Variants in ATIC observed in about 807,000 individuals in gnomAD.
ATIC encodes the protein bifunctional purine biosynthesis protein ATIC.
Under a neutral mutation model 72.5 loss-of-function variants are expected in ATIC, and 64 were observed. That is an observed-to-expected ratio of 0.88 (90% CI 0.72 to 1.09). The LOEUF (loss-of-function observed/expected upper bound fraction) is 1.09. ATIC is among the 50% of genes least tolerant of loss of function. The pLI is 0.00. For missense variants in ATIC, 787 were observed against 732.4 expected, an observed-to-expected ratio of 1.07 and a Z score of -0.86; for synonymous variants, 281 against 267.1, an observed-to-expected ratio of 1.05 and a Z score of -0.51.
Position 215,326,918 on chromosome 2 carries a change from A to G in ATIC, c.628A>G (p.Met210Val), listed in dbSNP as rs2052834331. ...ATCTCAGATGCCCTTGAGATATGGA[A>G]TGAACCCACATCAGACCCCTGCCCA... is the stretch of plus-strand genomic sequence containing the variant. ...GVSQMPLRYG[M>V]NPHQTPAQLY... Residue 210 changes from methionine to valine, a missense_variant, in exon 7 of 16, where the codon ATG becomes GTG. Physicochemically the swap from Met to Val is conservative, Grantham distance 21. Coordinates refer to ENST00000236959, the MANE Select transcript of ATIC (RefSeq NM_004044.7). 9 of 1,614,050 alleles carry G rather than the reference A, an allele frequency of 5.6e-6. No individual in the cohort carries two copies. Among genetic ancestry groups the G allele is most frequent in the Non-Finnish European group, 6.8e-6 (8 of 1,180,032 alleles).
chr2:215,361,620 T>C, the ATIC span: 2 of 1,609,850 alleles, frequency 1.2e-6, no homozygotes, highest in Non-Finnish European at 1.7e-6. Context: ...ATTGGGCAAT[T>C]AACATTCTGT....
intron 8 of ATIC, 71 bp downstream of exon 8, chr2:215,332,578 TAAC>T: frequency 1.3e-6 from 2 of 1,570,652 alleles, no homozygotes; most frequent in East Asian, 2.3e-5. Flanking sequence ...TTTTGAATAT[TAAC>T]AAGTTCTAAT....
the ATIC span, among the ~76,000 whole-genome samples, chr2:215,355,991 A>G: frequency 6.6e-6 from 1 of 152,236 alleles, no homozygotes; most frequent in Non-Finnish European, 1.5e-5. Context: ...GGCTGAAAGC[A>G]CATATTCTGG....
At position 215,321,243 on chromosome 2, in the gene ATIC, T is replaced by C. The variant is rs190148088; in HGVS notation, c.290+1512T>C. Among the ~76,000 whole-genome samples the C allele has an allele frequency of 9.8e-5, 15 of 152,326 alleles. No homozygotes were observed. The East Asian group carries it at 2.7e-3, about 27-fold the overall frequency. ...AATAGAATCTAACAATATATGGTTTTTTTGTTCCTGGCTTCTTTCACTTAG... is the reference window on the plus strand; with the variant it reads ...AATAGAATCTAACAATATATGGTTTCTTTGTTCCTGGCTTCTTTCACTTAG... On this transcript the variant is annotated intron_variant, in intron 4 of 15. Coordinates refer to ENST00000236959, the MANE Select transcript of ATIC (RefSeq NM_004044.7).
intron 3 of ATIC, among the ~76,000 whole-genome samples, chr2:215,318,806 C>G (rs921489345): frequency 1.3e-5 from 2 of 152,074 alleles, no homozygotes; most frequent in African/African-American, 4.8e-5. Context: ...TTGTAAAATT[C>G]CTTTTACCTT....
the ATIC span, among the ~76,000 whole-genome samples, chr2:215,367,100 G>A: frequency 6.6e-6 from 1 of 152,136 alleles, no homozygotes; most frequent in South Asian, 2.1e-4. Flanking sequence ...TCTATAGGAG[G>A]CTTATTTATA....
Position 215,336,052 on chromosome 2 carries a change from T to G in ATIC, c.1026T>G (p.Ile342Met), listed in dbSNP as rs774941280. The change falls in exon 11 of 16, where the codon ATT becomes ATG. Residue 342 changes from isoleucine (I) to methionine (M), a missense_variant. Physicochemically the swap from Ile to Met is conservative, Grantham distance 10. Transcript: ENST00000236959. ...IISREVSDGI[I>M]APGYEEEALT... ...TTTTGCAGGTATCTGATGGTATAAT[T>G]GCCCCAGGATATGAAGAAGAAGCCT... The G allele has an allele frequency of 1.1e-5, 17 of 1,611,360 alleles. No individual in the cohort carries two copies. Among genetic ancestry groups the G allele is most frequent in the Non-Finnish European group, 1.4e-5 (17 of 1,178,496 alleles).
downstream of ATIC, among the ~76,000 whole-genome samples, chr2:215,351,615 A>G (rs12477163): frequency 0.6 from 91,498 of 152,022 alleles, 27,666 homozygotes; most frequent in East Asian, 0.72. Flanking sequence ...TTAGCTGGGC[A>G]TGGTGGCTCC....
intron 4 of ATIC, among the ~76,000 whole-genome samples, chr2:215,323,094 G>A (rs1575115558): frequency 6.6e-6 from 1 of 152,072 alleles, no homozygotes; most frequent in Admixed American, 6.6e-5. Context: ...ATAGGCGCCC[G>A]CTACCATGCG....
the ATIC span, chr2:215,367,710 T>G: frequency 3.8e-6 from 3 of 781,492 alleles, no homozygotes; most frequent in East Asian, 8.1e-5. Flanking sequence ...TTTTCTATGA[T>G]GCAAAATATT....
chr2:215,326,055 G>T lies in ATIC; in HGVS notation c.448G>T (p.Asp150Tyr). The change falls in exon 6 of 16, where the codon GAC (aspartate) becomes TAC (tyrosine). Residue 150 changes from aspartate to tyrosine, a missense_variant. Transcript: ENST00000236959. ...AGTGACAGTGGTGTGTGAACCAGAG[G>T]ACTATGTGGTGGTGTCCACGGAGAT... The part of the protein sequence containing the change: ...ARVTVVCEPE[D>Y]YVVVSTEMQS... 7 of 1,614,196 alleles carry T rather than the reference G, an allele frequency of 4.3e-6. No individual in the cohort carries two copies. The highest frequency in any genetic ancestry group is 5.9e-6 in the Non-Finnish European group (7 of 1,180,032).
intron 4 of ATIC, among the ~76,000 whole-genome samples, chr2:215,320,750 T>G (rs1254739000): frequency 6.6e-6 from 1 of 152,134 alleles, no homozygotes; most frequent in Non-Finnish European, 1.5e-5. Context: ...CAACTCATTT[T>G]TACTATTTTT....
the ATIC span, among the ~76,000 whole-genome samples, chr2:215,366,213 A>G: frequency 1.3e-5 from 2 of 152,216 alleles, no homozygotes; most frequent in East Asian, 3.9e-4. Flanking sequence ...TGCCACAATC[A>G]TGTCATCAGA....
chr2:215,315,860 C>T (rs1020025709), intron 2 of ATIC, among the ~76,000 whole-genome samples: 1 of 151,644 alleles, frequency 6.6e-6, no homozygotes, highest in African/African-American at 2.4e-5. Flanking sequence ...GAGGCTGAGG[C>T]AGGAGAATTG....
chr2:215,325,831 G>T (rs1448797358), intron 5 of ATIC, among the ~76,000 whole-genome samples, 156 bp from the exon 6 acceptor site: 1 of 152,140 alleles, frequency 6.6e-6, no homozygotes, highest in Non-Finnish European at 1.5e-5. Flanking sequence ...CTCCCAAAGT[G>T]CTGGGATTCC....
chr2:215,319,667 A>T lies in ATIC; in HGVS notation c.226A>T (p.Ile76Phe), dbSNP rs1354177505. The change falls in exon 4 of 16, where the codon ATC (isoleucine) becomes TTC (phenylalanine). Residue 76 changes from isoleucine to phenylalanine, a missense_variant and splice_region_variant. Coordinates refer to ENST00000236959, the MANE Select transcript of ATIC (RefSeq NM_004044.7). ...KTLHPAVHAG[I>F]LARNIPEDNA... is the part of the protein sequence containing the mutation. The stretch of plus-strand genomic sequence containing the variant: ...TTTGTTTAACTTTTTTAAATTAGGA[A>T]TCCTAGCTCGTAATATTCCAGAAGA... The T allele has an allele frequency of 4.4e-6, 7 of 1,608,630 alleles. No homozygotes were observed. Among genetic ancestry groups the T allele is most frequent in the Non-Finnish European group, 6.0e-6 (7 of 1,175,026 alleles).
At chr2:215,361,915 T>G in the ATIC span, 3 of 1,605,852 alleles carry the variant, frequency 1.9e-6, no homozygotes, top group Non-Finnish European at 2.6e-6. Context: ...AAGATACCTG[T>G]AGAAAGAGAC....
chr2:215,364,014 C>T, the ATIC span, among the ~76,000 whole-genome samples: 1 of 152,190 alleles, frequency 6.6e-6, no homozygotes, highest in Non-Finnish European at 1.5e-5. Flanking sequence ...CTGCTTTCTC[C>T]CCTCCCAACT....
At chr2:215,362,214 TTGA>T in the ATIC span, 6 of 701,488 alleles carry the variant, frequency 8.6e-6, no homozygotes, top group African/African-American at 1.7e-5. Flanking sequence ...TAAGCAAGCT[TTGA>T]TGATGATTTC....
Sources: gnomAD v4.1 joint callset for allele counts (sites outside exome capture counted in the v4.1 genomes callset) on GRCh38, gnomAD v4.1.1 for gene constraint, MANE v1.5 for transcripts, NCBI Gene and HGNC (gene_info 2026-07-23, HGNC 2026-07-21) for gene names.